ZC3H12B: variants seen among roughly 807,000 people sequenced by gnomAD.
ZC3H12B encodes zinc finger CCCH-type containing 12B.
In ZC3H12B, 7 loss-of-function variants were observed where a neutral mutation model predicts 43.9. The ratio of observed to expected loss-of-function variants is 0.16; its 90% confidence interval spans 0.09 to 0.30. ZC3H12B has a LOEUF of 0.30. Ranked by LOEUF, ZC3H12B falls within the 10% of genes least tolerant of loss-of-function variation. The pLI is 1.00. For synonymous variants in ZC3H12B, 222 were observed against 241.7 expected (o/e 0.92, Z 0.76); for missense variants, 475 against 670.2 (o/e 0.71, Z 3.22).
At chrX:65,458,743 C>T (rs1046019592) in intron 3 of ZC3H12B, among the ~76,000 whole-genome samples, 1 of 111,590 alleles carries the variant, frequency 9.0e-6, no homozygotes. Flanking sequence ...ACTAAATGCC[C>T]ACAAGAGAAA....
chrX:65,295,688 T>C, the ZC3H12B span, among the ~76,000 whole-genome samples: 2 of 110,806 alleles, frequency 1.8e-5, no homozygotes, highest in Non-Finnish European at 3.8e-5. Flanking sequence ...ATAGAGAAGA[T>C]CCAAATAAGC....
upstream of ZC3H12B, among the ~76,000 whole-genome samples, chrX:65,488,065 G>A (rs780440645): frequency 9.0e-6 from 1 of 110,538 alleles, no homozygotes; most frequent in African/African-American, 3.3e-5. Flanking sequence ...TAGAGACGGG[G>A]TTTCACCATG....
At chrX:65,228,808 T>C in the ZC3H12B span, among the ~76,000 whole-genome samples, 1 of 111,630 alleles carries the variant, frequency 9.0e-6, no homozygotes, top group South Asian at 3.7e-4. Flanking sequence ...ATAAAATACC[T>C]AGGAATCCAA....
the ZC3H12B span, among the ~76,000 whole-genome samples, chrX:65,224,409 A>T: frequency 8.9e-6 from 1 of 112,506 alleles, no homozygotes; most frequent in East Asian, 2.8e-4. Context: ...ATGGCCGAAT[A>T]GGAACAGGTC....
intron 3 of ZC3H12B, among the ~76,000 whole-genome samples, chrX:65,441,697 C>A (rs999046135): frequency 9.0e-6 from 1 of 111,703 alleles, no homozygotes; most frequent in Non-Finnish European, 1.9e-5. Flanking sequence ...TAAAAGTAAT[C>A]GCATTGTCCC....
chrX:65,040,128 A>G, the ZC3H12B span, among the ~76,000 whole-genome samples: 1 of 111,349 alleles, frequency 9.0e-6, no homozygotes, highest in Admixed American at 9.6e-5. Flanking sequence ...TTTGGAATTA[A>G]TTTTTCTTTC....
At chrX:65,410,712 T>C (rs749418036) in intron 3 of ZC3H12B, among the ~76,000 whole-genome samples, 3 of 112,194 alleles carry the variant, frequency 2.7e-5, no homozygotes, top group Non-Finnish European at 5.6e-5. Context: ...GAAAAGGTGC[T>C]CAACATAATT....
chrX:65,127,512 G>A, the ZC3H12B span, among the ~76,000 whole-genome samples: 1 of 110,981 alleles, frequency 9.0e-6, no homozygotes, highest in African/African-American at 3.3e-5. Context: ...CTATAGGGAG[G>A]ATGCAAACTT....
chrX:65,389,214 G>T (rs2148027157), intron 2 of ZC3H12B, among the ~76,000 whole-genome samples: 1 of 112,293 alleles, frequency 8.9e-6, no homozygotes, highest in African/African-American at 3.2e-5. Flanking sequence ...CTTTTGTTTG[G>T]CTATGCCCTG....
chrX:65,291,528 T>C, the ZC3H12B span, among the ~76,000 whole-genome samples: 10 of 112,051 alleles, frequency 8.9e-5, no homozygotes, highest in African/African-American at 3.2e-4. Flanking sequence ...TTATTCCAAG[T>C]GAAATAGTCC....
chrX:65,360,109 A>G, the ZC3H12B span, among the ~76,000 whole-genome samples: 3 of 112,223 alleles, frequency 2.7e-5, no homozygotes, highest in African/African-American at 9.7e-5. Flanking sequence ...AAAAGTGTGC[A>G]TTTTTTAGAC....
At chrX:65,156,205 C>G in the ZC3H12B span, among the ~76,000 whole-genome samples, 1 of 109,274 alleles carries the variant, frequency 9.2e-6, no homozygotes, top group Non-Finnish European at 1.9e-5. Context: ...TTTATTTTTT[C>G]TTTTAAGACA....
At chrX:65,458,901 A>T (rs1401533553) in intron 3 of ZC3H12B, among the ~76,000 whole-genome samples, 1 of 111,553 alleles carries the variant, frequency 9.0e-6, no homozygotes, top group Non-Finnish European at 1.9e-5. Flanking sequence ...AAACCCTTCA[A>T]AAAACCAATG....
At chrX:65,272,981 G>C in the ZC3H12B span, 1 of 112,294 alleles carries the variant, frequency 8.9e-6, no homozygotes, top group African/African-American at 3.2e-5. Flanking sequence ...GCAACTGAAA[G>C]TCTCTGAGGC....
At chrX:65,348,091 G>A in the ZC3H12B span, among the ~76,000 whole-genome samples, 1 of 110,622 alleles carries the variant, frequency 9.0e-6, no homozygotes, top group African/African-American at 3.3e-5. Context: ...GGTGGGGTGG[G>A]GGGAGTGGGG....
the ZC3H12B span, among the ~76,000 whole-genome samples, chrX:65,180,857 C>T: frequency 2.7e-5 from 3 of 111,461 alleles, no homozygotes; most frequent in Non-Finnish European, 5.7e-5. Context: ...ATGCTGTTTC[C>T]ATCAAGCTAC....
At chrX:65,118,651 T>G in the ZC3H12B span, among the ~76,000 whole-genome samples, 1 of 110,634 alleles carries the variant, frequency 9.0e-6, no homozygotes, top group Non-Finnish European at 1.9e-5. Flanking sequence ...AGTTTTCTTT[T>G]TTTTTGTTTT....
At chrX:65,152,986 G>A in the ZC3H12B span, among the ~76,000 whole-genome samples, 1 of 111,906 alleles carries the variant, frequency 8.9e-6, no homozygotes, top group Admixed American at 9.5e-5. Context: ...ATGGGGAAAG[G>A]ATTCCCTATT....
chrX:65,323,764 G>T, the ZC3H12B span, among the ~76,000 whole-genome samples: 1 of 111,930 alleles, frequency 8.9e-6, no homozygotes, highest in South Asian at 3.7e-4. Context: ...TGGAGGAATT[G>T]CCACACTGTC....
Sources: allele counts gnomAD v4.1 joint callset (sites outside exome capture counted in the v4.1 genomes callset), GRCh38; gene constraint gnomAD v4.1.1; transcripts MANE v1.5; gene names NCBI Gene and HGNC (gene_info 2026-07-23, HGNC 2026-07-21).